MGAM2: variants seen among roughly 807,000 people sequenced by gnomAD.
MGAM2 encodes the protein probable maltase-glucoamylase 2.
In MGAM2, 98 loss-of-function variants were observed where a neutral mutation model predicts 96.1. The ratio of observed to expected loss-of-function variants is 1.02; its 90% confidence interval spans 0.87 to 1.21. The LOEUF is 1.21. Among genes scored for constraint, MGAM2 ranks in the 50% most tolerant of loss-of-function variants. The pLI is 0.00. For synonymous variants in MGAM2, 749 were observed against 414.8 expected, an observed-to-expected ratio of 1.81 and a Z score of -9.79; for missense variants, 2,055 against 1,182.4, an observed-to-expected ratio of 1.74 and a Z score of -10.82.
At chr7:142,160,075 C>T in intron 20 of MGAM2, 59 bp from the exon 21 acceptor site, 2 of 655,198 alleles carry the variant, frequency 3.1e-6, no homozygotes, top group Non-Finnish European at 5.5e-6. Context: ...ATACCTAAGG[C>T]CCCTCCTAGC....
intron 37 of MGAM2, among the ~76,000 whole-genome samples, chr7:142,192,067 A>T (rs148688404): frequency 3.3e-5 from 5 of 152,172 alleles, no homozygotes; most frequent in African/African-American, 1.2e-4. Flanking sequence ...TTTCTGTTCA[A>T]CTGCCCCTTT....
rs71166564 is a variant in MGAM2, at chr7:142,129,825, CAAAAAAAAAAAAAAAAAAAAAAA to C, written c.187-1105_187-1083del. ...GGGCAACAAGAACAAAACTCTGTCTCAAAAAAAAAAAAAAAAAAAAAAAAAAAAAAAAAAAAAAAAGAAATTCA... is the reference window on the plus strand; with the variant it reads ...GGGCAACAAGAACAAAACTCTGTCTCAAAAAAAAAAAAAAAAAGAAATTCA... On this transcript the variant is annotated intron_variant, in intron 3 of 47. Coordinates refer to ENST00000477922, the MANE Select transcript of MGAM2 (RefSeq NM_001293626.2). Among the ~76,000 whole-genome samples, 35 of 33,416 alleles carry C rather than the reference CAAAAAAAAAAAAAAAAAAAAAAA, an allele frequency of 1.0e-3. 1 individual carries two copies. Among genetic ancestry groups the C allele is most frequent in the East Asian group, 2.8e-3 (2 of 710 alleles). 21.9% of individuals were successfully genotyped at this position (33,416 alleles called of 152,430 possible).
At chr7:142,165,751 G>A (rs1045137800) in intron 24 of MGAM2, among the ~76,000 whole-genome samples, 3 of 152,186 alleles carry the variant, frequency 2.0e-5, no homozygotes, top group African/African-American at 7.2e-5. Flanking sequence ...GGTTATCACA[G>A]TGCTTGGCTT....
intron 44 of MGAM2, among the ~76,000 whole-genome samples, chr7:142,199,188 G>A (rs990627916): frequency 3.3e-5 from 5 of 152,120 alleles, no homozygotes; most frequent in South Asian, 2.1e-4. Flanking sequence ...GTACATACAC[G>A]TATATAAATT....
In MGAM2 at chr7:142,186,033, C is replaced by T. The variant is rs1796686390; in HGVS notation, c.4032C>T (p.Ser1344=). The T allele has an allele frequency of 4.3e-6, 3 of 704,452 alleles. No homozygotes were observed. Among genetic ancestry groups the T allele is most frequent in the Non-Finnish European group, 7.8e-6 (3 of 385,084 alleles). The allele number at this position is 704,452 out of a possible 1,614,324, so 43.6% of individuals were successfully genotyped here. A position where few individuals can be genotyped will look rare whatever the true frequency, so the allele number is the denominator to read the frequency against. Residue 1344 remains serine (S), a synonymous_variant, in exon 35 of 48, where the codon AGC becomes AGT. Transcript: ENST00000477922. ...YVAFPDFFRN[S]TAAWWKKEIE... Reference sequence around the variant, plus strand: ...CCTTTCCTGACTTCTTTCGTAATAGCACAGCTGCGTGGTGGAAGAAAGAGA... The same window carrying T: ...CCTTTCCTGACTTCTTTCGTAATAGTACAGCTGCGTGGTGGAAGAAAGAGA...
rs140188675 is a variant in MGAM2, at chr7:142,177,348, G to A, written c.3816+1568G>A. 2.8e-3 allele frequency among the ~76,000 whole-genome samples: 425 copies of A among 152,230 alleles called. 4 individuals are homozygous for A. Among genetic ancestry groups the A allele is most frequent in the African/African-American group, 9.2e-3 (383 of 41,538 alleles). ...GAAGAGCAGGGAAAGACCTGCCCCCGTGATTCAATTACCTCCTACCATGTC... is the reference window on the plus strand; with the variant it reads ...GAAGAGCAGGGAAAGACCTGCCCCCATGATTCAATTACCTCCTACCATGTC... On this transcript the variant is annotated intron_variant, in intron 32 of 47. Transcript: ENST00000477922.
chr7:142,175,655 G>T lies in MGAM2; in HGVS notation c.3691G>T (p.Val1231Phe), dbSNP rs1178931041. Residue 1231 changes from valine (V) to phenylalanine (F), a missense_variant, in exon 32 of 48, where the codon GTC (valine) becomes TTC (phenylalanine). Physicochemically the swap from Val to Phe is conservative, Grantham distance 50. Coordinates refer to ENST00000477922, the MANE Select transcript of MGAM2 (RefSeq NM_001293626.2). The stretch of plus-strand genomic sequence containing the variant: ...GCCTTGCTGCTTCTTTCTGCAGGAC[G>T]TCCAGCATGTAGACATCGATTACAT... ...AMVAAQIPYD[V>F]QHVDIDYMNR... is the part of the protein sequence containing the mutation. 1 of 702,638 alleles carries T rather than the reference G, an allele frequency of 1.4e-6. No individual in the cohort carries two copies. The allele number at this position is 702,638 out of a possible 1,614,324, so 43.5% of individuals were successfully genotyped here. A position where few individuals can be genotyped will look rare whatever the true frequency, so the allele number is the denominator to read the frequency against.
At position 142,143,817 on chromosome 7, in the gene MGAM2, A is replaced by ACTGAGTGGT; in HGVS notation, c.1367_1375dup (p.Trp458_Trp459insSerGluTrp). On this transcript the variant is annotated inframe_insertion, in exon 13 of 48. Transcript: ENST00000477922. Reference sequence around the variant, plus strand: ...TCCCGATTATACCAATCCAGTATGCACTGAGTGGTGGACAGATCAGGTCGC... The same window carrying ACTGAGTGGT: ...TCCCGATTATACCAATCCAGTATGCACTGAGTGGTCTGAGTGGTGGACAGATCAGGTCGC... The ACTGAGTGGT allele has an allele frequency of 1.4e-6, 1 of 702,222 alleles. No individual in the cohort carries two copies. Among genetic ancestry groups the ACTGAGTGGT allele is most frequent in the Non-Finnish European group, 2.6e-6 (1 of 384,488 alleles). The allele number at this position is 702,222 out of a possible 1,614,324, so 43.5% of individuals were successfully genotyped here.
At chr7:142,153,950 C>G in intron 15 of MGAM2, 68 bp from the exon 16 acceptor site, 1 of 505,624 alleles carries the variant, frequency 2.0e-6, no homozygotes, top group Non-Finnish European at 3.6e-6. Context: ...CATTGCTGCT[C>G]TTATTGTAAG....
chr7:142,116,384 C>T (rs142003032), intron 1 of MGAM2, among the ~76,000 whole-genome samples: 6 of 152,258 alleles, frequency 3.9e-5, no homozygotes, highest in African/African-American at 1.4e-4. Flanking sequence ...GTGTCAGTGA[C>T]GTTTAAACAG....
chr7:142,184,579 A>G (rs1330646712), intron 33 of MGAM2, among the ~76,000 whole-genome samples: 1 of 152,180 alleles, frequency 6.6e-6, no homozygotes, highest in Non-Finnish European at 1.5e-5. Flanking sequence ...GTGTGTATAT[A>G]CTTAATGTCC....
At position 142,220,002 on chromosome 7, in the gene MGAM2, C is replaced by T; in HGVS notation, c.5491C>T (p.Pro1831Ser). ...CATCCCAATGAGTTCTCATCCTTCT[C>T]CATCTACTACCAATGCCACCAGTTC... Reference protein sequence around the residue: ...STIPMSSHPSPSTTNATSSET... With the variant: ...STIPMSSHPSSSTTNATSSET... Residue 1831 changes from proline to serine, a missense_variant, in exon 48 of 48, where the codon CCA becomes TCA. Transcript: ENST00000477922. 1.4e-6 allele frequency: 1 copy of T among 702,924 alleles called. No individual in the cohort carries two copies. Among genetic ancestry groups the T allele is most frequent in the Non-Finnish European group, 2.6e-6 (1 of 384,946 alleles). The allele number at this position is 702,924 out of a possible 1,614,324, so 43.5% of individuals were successfully genotyped here.
At position 142,156,725 on chromosome 7, in the gene MGAM2, T is replaced by A. The variant is rs568362944; in HGVS notation, c.1924-1212T>A. ...GGGTGCATAGAGTGGTCTCATGGAG[T>A]CATTCTATTTAGAGGGGGAGAAATG... On this transcript the variant is annotated intron_variant, in intron 17 of 47. Coordinates refer to ENST00000477922, the MANE Select transcript of MGAM2 (RefSeq NM_001293626.2). Among the ~76,000 whole-genome samples the A allele has an allele frequency of 7.9e-5, 12 of 152,104 alleles. No homozygotes were observed. The South Asian group carries it at 2.3e-3, about 29-fold the overall frequency.
At chr7:142,162,681 T>C (rs1462514086) in intron 23 of MGAM2, among the ~76,000 whole-genome samples, 3 of 151,226 alleles carry the variant, frequency 2.0e-5, no homozygotes, top group South Asian at 4.2e-4. Flanking sequence ...AGAATATATA[T>C]AATTTATATA....
chr7:142,114,153 G>GGAAGGAAAGAAAGAAAGAAA (rs1817277009), intron 1 of MGAM2, among the ~76,000 whole-genome samples: 1 of 87,008 alleles, frequency 1.1e-5, no homozygotes, highest in Non-Finnish European at 2.2e-5. Flanking sequence ...AAAGAAAGAA[G>GGAAGGAAAGAAAGAAAGAAA]GAAAGAAAGA....
intron 24 of MGAM2, among the ~76,000 whole-genome samples, chr7:142,165,630 G>T (rs900504407): frequency 1.3e-4 from 20 of 152,108 alleles, no homozygotes; most frequent in African/African-American, 4.8e-4. Flanking sequence ...CAGCTCTTAG[G>T]GTATTAGGTG....
At chr7:142,176,676 TAGAC>T (rs78492716) in intron 32 of MGAM2, among the ~76,000 whole-genome samples, 28,749 of 152,034 alleles carry the variant, frequency 0.19, 2,967 homozygotes, top group East Asian at 0.34. Flanking sequence ...ATATTTTAAA[TAGAC>T]AGATTGGGAC....
rs566801424 is a variant in MGAM2 at position 142,181,845 on chromosome 7, C to A, written c.3817-1421C>A. ...GTGCCATGATCCAGTATTTTCTGCA[C>A]AGCAAATGGCTTTGGGGCCCTCTCA... On this transcript the variant is annotated intron_variant, in intron 32 of 47. Coordinates refer to ENST00000477922, the MANE Select transcript of MGAM2 (RefSeq NM_001293626.2). Among the ~76,000 whole-genome samples, 6 of 152,332 alleles carry A rather than the reference C, an allele frequency of 3.9e-5. No individual in the cohort carries two copies. The East Asian group carries it at 1.2e-3, about 29-fold the overall frequency.
intron 17 of MGAM2, among the ~76,000 whole-genome samples, chr7:142,156,155 C>CA (rs71522175): frequency 0.086 from 11,072 of 129,422 alleles, 479 homozygotes; most frequent in African/African-American, 0.13. Context: ...CAAAACAAAA[C>CA]AAAAAAAAAA....
Sources: allele counts gnomAD v4.1 joint callset (sites outside exome capture counted in the v4.1 genomes callset), GRCh38; gene constraint gnomAD v4.1.1; transcripts MANE v1.5; gene names NCBI Gene and HGNC (gene_info 2026-07-23, HGNC 2026-07-21).